Variants in SEL1L3 observed in about 807,000 individuals in gnomAD.
SEL1L3 encodes the protein SEL1L family member 3.
SEL1L3 carries 76 observed loss-of-function variants against 142.8 expected under a neutral mutation model. That is an observed-to-expected ratio of 0.53 (90% confidence interval 0.44 to 0.64). SEL1L3 has a LOEUF of 0.64. Among genes scored for constraint, SEL1L3 ranks in the 30% least tolerant of loss-of-function variants. The probability of loss-of-function intolerance (pLI) is 0.00; values close to 1 mark genes in which losing one functional copy is unlikely to be tolerated. For missense variants in SEL1L3, 1,262 were observed against 1,381.7 expected (o/e 0.91, Z 1.37); for synonymous variants, 504 against 519.6 (o/e 0.97, Z 0.41).
chr4:25,724,397 T>G, the SEL1L3 span, among the ~76,000 whole-genome samples: 38,142 of 151,362 alleles, frequency 0.25, 6,964 homozygotes, highest in African/African-American at 0.52. Context: ...CTCCAGTCTG[T>G]GTGACAGAGG....
intron 6 of SEL1L3, among the ~76,000 whole-genome samples, chr4:25,825,080 A>G (rs917480277): frequency 2.0e-5 from 3 of 152,232 alleles, no homozygotes; most frequent in Admixed American, 6.5e-5. Context: ...ATATACATAT[A>G]TATGTTTTAA....
chr4:25,852,428 C>T (rs1716968000), intron 1 of SEL1L3, among the ~76,000 whole-genome samples: 1 of 152,204 alleles, frequency 6.6e-6, no homozygotes, highest in African/African-American at 2.4e-5. Context: ...CAGCATTTGT[C>T]CATAAGTGCT....
intron 13 of SEL1L3, among the ~76,000 whole-genome samples, chr4:25,785,080 A>T (rs576820857): frequency 6.6e-6 from 1 of 152,230 alleles, no homozygotes; most frequent in East Asian, 1.9e-4. Flanking sequence ...GCTGCTTCCA[A>T]ACTCAGAATT....
downstream of SEL1L3, among the ~76,000 whole-genome samples, chr4:25,745,955 G>A (rs1326432727): frequency 6.6e-6 from 1 of 152,188 alleles, no homozygotes; most frequent in South Asian, 2.1e-4. Flanking sequence ...TGGCCCCTCA[G>A]ACTGCTCTTT....
At chr4:25,745,675 C>G (rs1359944020), downstream of SEL1L3, among the ~76,000 whole-genome samples, 1 of 152,230 alleles carries the variant, frequency 6.6e-6, no homozygotes, top group Non-Finnish European at 1.5e-5. Context: ...TGTTTAGCAT[C>G]TACAATACAC....
the SEL1L3 span, among the ~76,000 whole-genome samples, chr4:25,723,314 T>C: frequency 0.25 from 37,465 of 152,098 alleles, 6,594 homozygotes; most frequent in African/African-American, 0.5. Context: ...GTTACTTACA[T>C]CAAGGGTGCT....
chr4:25,808,365 G>T lies in SEL1L3; in HGVS notation c.1565-3613C>A, dbSNP rs931385219. 4.6e-5 allele frequency among the ~76,000 whole-genome samples: 7 copies of T among 152,030 alleles called. No individual in the cohort carries two copies. In the East Asian group the frequency reaches 1.3e-3, roughly 29 times the overall value. ...CATGTAGCCCAGAATCATTTATTTT[G>T]CTTTTTTCCCCTTTTTCACAGTAAT... is the stretch of plus-strand genomic sequence containing the variant. On this transcript the variant is annotated intron_variant, in intron 9 of 23. Coordinates refer to ENST00000399878, the MANE Select transcript of SEL1L3 (RefSeq NM_015187.5).
chr4:25,774,483 AAG>A (rs1195581060), intron 17 of SEL1L3, among the ~76,000 whole-genome samples: 3 of 152,200 alleles, frequency 2.0e-5, no homozygotes, highest in Non-Finnish European at 4.4e-5. Flanking sequence ...AGTATTAAGA[AAG>A]AGAACAAGCC....
intron 19 of SEL1L3, among the ~76,000 whole-genome samples, chr4:25,766,416 G>GCTA (rs949663822): frequency 6.8e-6 from 1 of 148,142 alleles, no homozygotes; most frequent in Non-Finnish European, 1.5e-5. Context: ...CTCCAGCCTA[G>GCTA]GCGACACAGC....
At chr4:25,835,109 T>C (rs898551437) in intron 3 of SEL1L3, 88 bp downstream of exon 3, 2 of 1,507,146 alleles carry the variant, frequency 1.3e-6, no homozygotes, top group Non-Finnish European at 1.8e-6. Flanking sequence ...AAGGTGTGTC[T>C]TCCTAAGGAA....
At chr4:25,746,740 C>A (rs1717283431), downstream of SEL1L3, among the ~76,000 whole-genome samples, 1 of 151,694 alleles carries the variant, frequency 6.6e-6, no homozygotes, top group African/African-American at 2.4e-5. Context: ...CTGAGACCTT[C>A]CCAGAAGTCA....
chr4:25,742,839 T>A (rs2109099292), downstream of SEL1L3, among the ~76,000 whole-genome samples: 1 of 152,294 alleles, frequency 6.6e-6, no homozygotes, highest in Admixed American at 6.5e-5. Flanking sequence ...CTGCTTGGCA[T>A]CTCCCTCTAT....
At chr4:25,815,388 G>A (rs1714326270) in intron 9 of SEL1L3, among the ~76,000 whole-genome samples, 1 of 152,158 alleles carries the variant, frequency 6.6e-6, no homozygotes, top group Non-Finnish European at 1.5e-5. Flanking sequence ...AAGGTAAGGG[G>A]ACTTATGATT....
intron 20 of SEL1L3, among the ~76,000 whole-genome samples, chr4:25,763,613 C>G (rs1433639065): frequency 6.6e-6 from 1 of 152,088 alleles, no homozygotes; most frequent in Non-Finnish European, 1.5e-5. Context: ...CTTGGGAGGC[C>G]AAGGTGGGCA....
chr4:25,851,553 C>T (rs557084656), intron 1 of SEL1L3, among the ~76,000 whole-genome samples: 34 of 152,030 alleles, frequency 2.2e-4, no homozygotes, highest in African/African-American at 8.0e-4. Context: ...TTGTGTACTA[C>T]ACAATTTTTT....
chr4:25,769,770 C>T (rs566895506), intron 17 of SEL1L3, among the ~76,000 whole-genome samples: 3 of 152,208 alleles, frequency 2.0e-5, no homozygotes, highest in Non-Finnish European at 2.9e-5. Flanking sequence ...AAATATTGGA[C>T]CAGTGCCCTC....
Position 25,822,049 on chromosome 4 carries a change from C to T in SEL1L3, c.1237G>A (p.Gly413Arg). ...TAGTACTTCAGGGGTCCAAAAAACCCTTCAATGCCAGCCACATACCTGCTC... is the reference window on the plus strand; with the variant it reads ...TAGTACTTCAGGGGTCCAAAAAACCTTTCAATGCCAGCCACATACCTGCTC... ...GGSRYVAGIE[G>R]FFGPLKYYRL... The change falls in exon 7 of 24, where the codon GGG becomes AGG. Residue 413 changes from glycine to arginine, a missense_variant. Gly to Arg is a moderately radical substitution (Grantham distance 125). Transcript: ENST00000399878. 1.2e-6 allele frequency: 2 copies of T among 1,613,952 alleles called. No homozygotes were observed. Among genetic ancestry groups the T allele is most frequent in the Non-Finnish European group, 8.5e-7 (1 of 1,179,886 alleles).
At position 25,858,047 on chromosome 4, in the gene SEL1L3, G is replaced by A. The variant is rs951717671; in HGVS notation, c.162+4628C>T. ...GGGCCGAACACGCCTCCTGCCCCTC[G>A]GCTCCTTTCTCAGGGGAATGGCATG... On this transcript the variant is annotated intron_variant, in intron 1 of 23. Coordinates refer to ENST00000399878, the MANE Select transcript of SEL1L3 (RefSeq NM_015187.5). Among the ~76,000 whole-genome samples the A allele has an allele frequency of 1.1e-4, 17 of 152,342 alleles. No individual in the cohort carries two copies. The South Asian group carries it at 2.7e-3, about 24-fold the overall frequency.
At chr4:25,736,910 A>C in the SEL1L3 span, among the ~76,000 whole-genome samples, 1 of 152,000 alleles carries the variant, frequency 6.6e-6, no homozygotes, top group Non-Finnish European at 1.5e-5. Flanking sequence ...TATTTTATCT[A>C]ATATTAATAG....
Sources: allele counts gnomAD v4.1 joint callset (sites outside exome capture counted in the v4.1 genomes callset), GRCh38; gene constraint gnomAD v4.1.1; transcripts MANE v1.5; gene names NCBI Gene and HGNC (gene_info 2026-07-23, HGNC 2026-07-21).